The following PCCA variants were observed in gnomAD, a reference collection of about 807,000 sequenced individuals.
PCCA encodes propionyl-CoA carboxylase subunit alpha, also known as propionyl-CoA carboxylase alpha chain, mitochondrial.
PCCA carries 74 observed loss-of-function variants against 101.3 expected under a neutral mutation model. The observed-to-expected ratio is 0.73, with a 90% CI of 0.61 to 0.89. The LOEUF is 0.89. PCCA is among the 40% of genes least tolerant of loss of function. PCCA has a pLI of 0.00. For synonymous variants in PCCA, 294 were observed against 313.6 expected, an observed-to-expected ratio of 0.94 and a Z score of 0.66; for missense variants, 891 against 907.0, an observed-to-expected ratio of 0.98 and a Z score of 0.23.
chr13:100,226,926 A>G (rs1218085733), intron 7 of PCCA, among the ~76,000 whole-genome samples: 1 of 152,252 alleles, frequency 6.6e-6, no homozygotes, highest in Non-Finnish European at 1.5e-5. Context: ...GAGGAAACCG[A>G]ATACCAGAGA....
chr13:100,483,096 C>T (rs2084078679), intron 21 of PCCA, among the ~76,000 whole-genome samples: 1 of 152,046 alleles, frequency 6.6e-6, no homozygotes, highest in Non-Finnish European at 1.5e-5. Context: ...TGGTCTTTTC[C>T]TGAATTCATC....
intron 11 of PCCA, among the ~76,000 whole-genome samples, chr13:100,269,784 C>T (rs933697653): frequency 1.3e-5 from 2 of 152,058 alleles, no homozygotes; most frequent in African/African-American, 2.4e-5. Context: ...TATTTTTAAT[C>T]CCGGAGTAAT....
intron 21 of PCCA, among the ~76,000 whole-genome samples, chr13:100,455,269 A>C (rs1334945069): frequency 6.6e-6 from 1 of 152,214 alleles, no homozygotes; most frequent in Admixed American, 6.5e-5. Flanking sequence ...AGAGTTTTTA[A>C]AAACGTAACC....
chr13:100,353,385 A>G (rs1166644558), intron 18 of PCCA, among the ~76,000 whole-genome samples: 1 of 152,230 alleles, frequency 6.6e-6, no homozygotes, highest in Non-Finnish European at 1.5e-5. Context: ...ATACTAGGCC[A>G]TAAAACAAGC....
At chr13:100,309,981 C>A in intron 16 of PCCA, 73 bp downstream of exon 16, 1 of 1,077,852 alleles carries the variant, frequency 9.3e-7, no homozygotes, top group Non-Finnish European at 1.4e-6. Flanking sequence ...TGGGGGTTTA[C>A]CAATGAGAAT....
intron 4 of PCCA, among the ~76,000 whole-genome samples, chr13:100,116,107 C>T (rs1019027965): frequency 6.6e-6 from 1 of 152,100 alleles, no homozygotes; most frequent in African/African-American, 2.4e-5. Context: ...ATCCTCAGCA[C>T]GTGATCACAG....
intron 12 of PCCA, among the ~76,000 whole-genome samples, chr13:100,286,367 G>C (rs1051210684): frequency 2.0e-5 from 3 of 152,150 alleles, no homozygotes; most frequent in African/African-American, 7.2e-5. Context: ...TTCCCCTGTT[G>C]GCTAGGGTTA....
chr13:100,253,832 T>C (rs886743076), intron 8 of PCCA, among the ~76,000 whole-genome samples: 1 of 148,806 alleles, frequency 6.7e-6, no homozygotes. Flanking sequence ...GAGGAAAAAC[T>C]TGGGAAGGGC....
intron 7 of PCCA, among the ~76,000 whole-genome samples, chr13:100,230,271 C>T (rs533553120): frequency 3.9e-5 from 6 of 152,108 alleles, no homozygotes; most frequent in African/African-American, 7.2e-5. Flanking sequence ...AGGCTGGGCG[C>T]GGTGGCTCAT....
In PCCA at chr13:100,225,052, AG is replaced by A. The variant is rs763702624; in HGVS notation, c.601-10789del. Among the ~76,000 whole-genome samples the A allele has an allele frequency of 2.0e-4, 31 of 152,360 alleles. 1 individual carries two copies. Among genetic ancestry groups the A allele is most frequent in the Admixed American group, 6.5e-5 (1 of 15,306 alleles). On this transcript the variant is annotated intron_variant, in intron 7 of 23. Coordinates refer to ENST00000376285, the MANE Select transcript of PCCA (RefSeq NM_000282.4). ...GTTAACATGACAGAATTGTGGCATT[AG>A]AAAACTCATTTTGGTTTGTTGTGTG...
At chr13:100,243,704 T>C (rs747378294) in intron 8 of PCCA, among the ~76,000 whole-genome samples, 1 of 152,196 alleles carries the variant, frequency 6.6e-6, no homozygotes, top group African/African-American at 2.4e-5. Flanking sequence ...TGACATCTTA[T>C]GTTCTTTGAA....
At chr13:100,136,707 A>C (rs1039349930) in intron 4 of PCCA, among the ~76,000 whole-genome samples, 2 of 152,086 alleles carry the variant, frequency 1.3e-5, no homozygotes, top group Admixed American at 1.3e-4. Context: ...TATTCTTAGA[A>C]ACCTTTTATT....
chr13:100,200,187 C>T (rs549725958), intron 6 of PCCA, among the ~76,000 whole-genome samples: 2 of 152,300 alleles, frequency 1.3e-5, no homozygotes, highest in African/African-American at 2.4e-5. Flanking sequence ...TCACTGCAAG[C>T]TCTGCCTCCC....
chr13:100,268,140 G>A (rs2063067277), intron 10 of PCCA, among the ~76,000 whole-genome samples: 1 of 152,274 alleles, frequency 6.6e-6, no homozygotes, highest in South Asian at 2.1e-4. Flanking sequence ...TCTGGTTAGA[G>A]ATGTTCAATG....
At chr13:100,142,393 A>G (rs751424279) in intron 4 of PCCA, among the ~76,000 whole-genome samples, 14 of 151,784 alleles carry the variant, frequency 9.2e-5, no homozygotes, top group South Asian at 4.2e-4. Flanking sequence ...ACCCGTCTTT[A>G]TAGTACCTCT....
intron 21 of PCCA, among the ~76,000 whole-genome samples, chr13:100,451,141 T>A: frequency 6.6e-6 from 1 of 152,024 alleles, no homozygotes; most frequent in Non-Finnish European, 1.5e-5. Flanking sequence ...TTAAGGCCTT[T>A]AACGGGTTGG....
intron 17 of PCCA, among the ~76,000 whole-genome samples, chr13:100,331,934 ATTTTTTTTTTTT>A (rs34411352): frequency 1.1e-5 from 1 of 89,768 alleles, no homozygotes; most frequent in Non-Finnish European, 2.0e-5. Context: ...ATTACTTTGG[ATTTTTTTTTTTT>A]TTTTTTTTTT....
chr13:100,389,276 C>CA (rs1357772698), intron 19 of PCCA, among the ~76,000 whole-genome samples: 1 of 152,056 alleles, frequency 6.6e-6, no homozygotes, highest in African/African-American at 2.4e-5. Flanking sequence ...GGGAAGGAGT[C>CA]AGAGTTTGAA....
intron 20 of PCCA, among the ~76,000 whole-genome samples, chr13:100,431,983 C>T (rs1217779620): frequency 6.6e-6 from 1 of 151,948 alleles, no homozygotes; most frequent in African/African-American, 2.4e-5. Context: ...TGAGGTAAGG[C>T]GTTTGATACC....
Sources: gnomAD v4.1 joint callset for allele counts (sites outside exome capture counted in the v4.1 genomes callset) on GRCh38, gnomAD v4.1.1 for gene constraint, MANE v1.5 for transcripts, NCBI Gene and HGNC (gene_info 2026-07-23, HGNC 2026-07-21) for gene names.